The following ZNF519 variants were observed in gnomAD, a reference collection of about 807,000 sequenced individuals.
ZNF519 encodes the protein zinc finger protein 519.
A neutral mutation model predicts 7.4 loss-of-function variants in ZNF519; 7 were observed. That is an observed-to-expected ratio of 0.94 (90% CI 0.54 to 1.77). The LOEUF (loss-of-function observed/expected upper bound fraction) is 1.77. Ranked by LOEUF, ZNF519 falls within the 40% of genes most tolerant of loss-of-function variation. The pLI, the probability that ZNF519 is intolerant of heterozygous loss-of-function variation, is 0.00. For synonymous variants in ZNF519, 179 were observed against 203.3 expected (o/e 0.88, Z 1.02); for missense variants, 586 against 623.1 (o/e 0.94, Z 0.63).
chr18:14,132,265 C>A lies in ZNF519; in HGVS notation c.3+10G>T, dbSNP rs1222218969. 16 of 1,613,756 alleles carry A rather than the reference C, an allele frequency of 9.9e-6. No individual in the cohort carries two copies. Among genetic ancestry groups the A allele is most frequent in the Middle Eastern group, 1.7e-4 (1 of 6,038 alleles). ...CCCCAGTCTCGGTACGCCCTGCCCC[C>A]CACACTCACCATTTCTCGGCTTCAG... On this transcript the variant is annotated intron_variant, in intron 1 of 2. Transcript: ENST00000590202.
chr18:14,079,158 A>C (rs890917295), intron 3 of ZNF519, among the ~76,000 whole-genome samples: 1 of 152,208 alleles, frequency 6.6e-6, no homozygotes, highest in African/African-American at 2.4e-5. Context: ...CATGTGGCCC[A>C]CAGAGGTGAC....
In ZNF519 at chr18:14,103,649, G is replaced by A. The variant is rs2046172946; in HGVS notation, c.*1268C>T. On this transcript the variant is annotated 3_prime_UTR_variant, in exon 3 of 3. Coordinates refer to ENST00000590202, the MANE Select transcript of ZNF519 (RefSeq NM_145287.4). The stretch of plus-strand genomic sequence containing the variant: ...TAATTAACTACTCAACACACCTTGG[G>A]GAACTTGTTAGAGTAACAAGTAATA... 6.6e-6 allele frequency: 1 copy of A among 151,932 alleles called. No individual in the cohort carries two copies. The highest frequency in any genetic ancestry group is 1.5e-5 in the Non-Finnish European group (1 of 67,936). 9.4% of individuals were successfully genotyped at this position (151,932 alleles called of 1,614,324 possible). A position where few individuals can be genotyped will look rare whatever the true frequency, so the allele number is the denominator to read the frequency against.
At chr18:14,131,596 C>T (rs1028379124) in intron 1 of ZNF519, among the ~76,000 whole-genome samples, 3 of 152,114 alleles carry the variant, frequency 2.0e-5, no homozygotes, top group African/African-American at 4.8e-5. Context: ...GTGGTCTAGG[C>T]CTCTATGTAA....
At chr18:14,131,924 G>A (rs1245171681) in intron 1 of ZNF519, among the ~76,000 whole-genome samples, 1 of 152,238 alleles carries the variant, frequency 6.6e-6, no homozygotes, top group Non-Finnish European at 1.5e-5. Flanking sequence ...TGGCGCCTCA[G>A]TCTAATTCCG....
intron 2 of ZNF519, among the ~76,000 whole-genome samples, chr18:14,115,654 G>GT (rs1325723665): frequency 2.6e-5 from 4 of 152,132 alleles, no homozygotes; most frequent in Non-Finnish European, 4.4e-5. Context: ...ACAGAAGCAA[G>GT]TAAGTGGAAA....
chr18:14,109,611 G>T (rs2046211066), intron 2 of ZNF519, among the ~76,000 whole-genome samples: 2 of 151,984 alleles, frequency 1.3e-5, no homozygotes, highest in South Asian at 2.1e-4. Flanking sequence ...CTCCTGAAAG[G>T]CCAATGGGTC....
chr18:14,111,478 G>A (rs1461675274), intron 2 of ZNF519, among the ~76,000 whole-genome samples: 1 of 142,010 alleles, frequency 7.0e-6, no homozygotes, highest in Non-Finnish European at 1.5e-5. Context: ...CTGCACCCCA[G>A]CCTGGGCGAC....
At chr18:14,128,884 C>A (rs1195659535) in intron 1 of ZNF519, among the ~76,000 whole-genome samples, 1 of 152,178 alleles carries the variant, frequency 6.6e-6, no homozygotes, top group East Asian at 1.9e-4. Flanking sequence ...TTTGTATTTG[C>A]TCCTACAACA....
chr18:14,074,980 G>C (rs2046042058), downstream of ZNF519: 1 of 152,206 alleles, frequency 6.6e-6, no homozygotes, highest in Non-Finnish European at 1.5e-5. Flanking sequence ...GTTCCACATG[G>C]TTGGGGAGGC....
intron 2 of ZNF519, among the ~76,000 whole-genome samples, chr18:14,114,918 T>C (rs2053873794): frequency 1.3e-5 from 2 of 152,124 alleles, no homozygotes; most frequent in Admixed American, 1.3e-4. Context: ...TAGATATATA[T>C]AGCTACTACT....
intron 2 of ZNF519, among the ~76,000 whole-genome samples, chr18:14,107,972 C>T (rs568406952): frequency 4.6e-5 from 7 of 152,148 alleles, no homozygotes; most frequent in Non-Finnish European, 7.3e-5. Context: ...TGGATGGCAC[C>T]GATGGGCTTG....
Position 14,105,681 on chromosome 18 carries a change from T to C in ZNF519, c.859A>G (p.Thr287Ala). ...TTACATTTGTAAGGTTTCTCTCCAGTATGAATTTTCTGATGTCCAAGATGT... is the reference window on the plus strand; with the variant it reads ...TTACATTTGTAAGGTTTCTCTCCAGCATGAATTTTCTGATGTCCAAGATGT... The part of the protein sequence containing the change: ...GLHLGHQKIH[T>A]GEKPYKCKKC... The change falls in exon 3 of 3, where the codon ACT (threonine) becomes GCT (alanine). Residue 287 changes from threonine (T) to alanine (A), a missense_variant. Coordinates refer to ENST00000590202, the MANE Select transcript of ZNF519 (RefSeq NM_145287.4). 6.2e-7 allele frequency: 1 copy of C among 1,613,616 alleles called. No individual in the cohort carries two copies. The highest frequency in any genetic ancestry group is 8.5e-7 in the Non-Finnish European group (1 of 1,179,926).
chr18:14,089,126 G>A (rs2046103670), intron 2 of ZNF519, among the ~76,000 whole-genome samples: 1 of 152,136 alleles, frequency 6.6e-6, no homozygotes, highest in Admixed American at 6.5e-5. Flanking sequence ...GTATGAAAAT[G>A]AATTAATAAA....
At chr18:14,083,687 T>A (rs1190101465) in intron 3 of ZNF519, among the ~76,000 whole-genome samples, 1 of 152,130 alleles carries the variant, frequency 6.6e-6, no homozygotes, top group Admixed American at 6.5e-5. Flanking sequence ...AGGCGGTGGA[T>A]TACTTGAGGC....
intron 2 of ZNF519, chr18:14,123,223 A>T: frequency 5.5e-6 from 1 of 180,776 alleles, no homozygotes. Context: ...TTTATTAAAA[A>T]AAAAAAAAAA....
intron 2 of ZNF519, among the ~76,000 whole-genome samples, chr18:14,088,558 T>G (rs764206936): frequency 1.3e-5 from 2 of 152,146 alleles, no homozygotes; most frequent in Non-Finnish European, 2.9e-5. Context: ...GGTTCAAAAT[T>G]CCTTAAATTT....
chr18:14,077,853 A>G (rs2046054021), intron 4 of ZNF519, among the ~76,000 whole-genome samples: 1 of 152,192 alleles, frequency 6.6e-6, no homozygotes, highest in Admixed American at 6.5e-5. Context: ...TTATTTAATT[A>G]TGAATAAAGA....
intron 2 of ZNF519, 130 bp downstream of exon 2, chr18:14,124,219 TC>T: frequency 1.3e-6 from 1 of 760,810 alleles, no homozygotes; most frequent in Non-Finnish European, 1.9e-6. Context: ...ACTAGCAAAC[TC>T]CCATTTTTTC....
Position 14,106,315 on chromosome 18 carries a change from G to C in ZNF519, c.225C>G (p.Gly75=). ...TTTTCCATAAGCATATATTTTCAAG[G>C]CCACAGCTCCCATATCTTCCCAGTG... is the stretch of plus-strand genomic sequence containing the variant. ...KATLGRYGSC[G]LENICLWKNW... The change falls in exon 3 of 3, where the codon GGC becomes GGG. Residue 75 remains glycine, a synonymous_variant. Transcript: ENST00000590202. 6.2e-7 allele frequency: 1 copy of C among 1,611,892 alleles called. No individual in the cohort carries two copies. Among genetic ancestry groups the C allele is most frequent in the Non-Finnish European group, 8.5e-7 (1 of 1,179,494 alleles).
Sources: gnomAD v4.1 joint callset for allele counts (sites outside exome capture counted in the v4.1 genomes callset) on GRCh38, gnomAD v4.1.1 for gene constraint, MANE v1.5 for transcripts, NCBI Gene and HGNC (gene_info 2026-07-23, HGNC 2026-07-21) for gene names.